Variants in TNR observed in about 807,000 individuals in gnomAD.
TNR encodes the protein tenascin-R.
Under a neutral mutation model 150.4 loss-of-function variants are expected in TNR, and 45 were observed. The ratio of observed to expected loss-of-function variants is 0.30; its 90% CI spans 0.24 to 0.38. The LOEUF is 0.38. Ranked by LOEUF, TNR falls within the 10% of genes least tolerant of loss-of-function variation. TNR has a pLI of 1.00. For missense variants in TNR, 1,544 were observed against 1,759.1 expected (o/e 0.88, Z 2.19); for synonymous variants, 687 against 678.4 (o/e 1.01, Z -0.20).
intron 1 of TNR, among the ~76,000 whole-genome samples, chr1:175,704,641 CAGA>C (rs749775316): frequency 5.3e-5 from 8 of 152,230 alleles, no homozygotes; most frequent in Admixed American, 3.3e-4. Context: ...GGAGGTGATG[CAGA>C]AGGAGAAGAA....
chr1:175,494,244 A>T (rs929506745), intron 2 of TNR, among the ~76,000 whole-genome samples: 1 of 152,178 alleles, frequency 6.6e-6, no homozygotes, highest in Non-Finnish European at 1.5e-5. Context: ...GCACTGGCAG[A>T]TGCAAGTCCT....
intron 9 of TNR, among the ~76,000 whole-genome samples, chr1:175,376,860 T>TATATATATATATATA (rs1553211469): frequency 1.0e-3 from 118 of 113,690 alleles, no homozygotes; most frequent in South Asian, 2.5e-3. Context: ...AAATGTAATA[T>TATATATATATATATA]TATATATATA....
chr1:175,375,426 C>T (rs565925300), intron 9 of TNR, among the ~76,000 whole-genome samples: 1 of 152,182 alleles, frequency 6.6e-6, no homozygotes, highest in Admixed American at 6.5e-5. Context: ...TGTTCAGAAA[C>T]AAATTCATAT....
At position 175,458,197 on chromosome 1, in the gene TNR, AT is replaced by A. The variant is rs573095686; in HGVS notation, c.-63-51421del. Among the ~76,000 whole-genome samples, 309 of 152,346 alleles carry A rather than the reference AT, an allele frequency of 2.0e-3. 3 individuals carry two copies. The highest frequency in any genetic ancestry group is 0.018 in the Admixed American group (277 of 15,302). On this transcript the variant is annotated intron_variant, in intron 2 of 22. Transcript: ENST00000367674. ...TTGTAGTAGTAGTAGCAGTAACTAA[AT>A]TCCCTCTTTCTTGCAAGTCATTAGA...
At chr1:175,555,065 A>T (rs1301572016) in intron 1 of TNR, among the ~76,000 whole-genome samples, 2 of 152,214 alleles carry the variant, frequency 1.3e-5, no homozygotes, top group African/African-American at 4.8e-5. Context: ...TCCAGTATGG[A>T]TTAAGCATAG....
intron 2 of TNR, among the ~76,000 whole-genome samples, chr1:175,507,176 C>A (rs1658989726): frequency 1.3e-5 from 2 of 152,180 alleles, no homozygotes; most frequent in South Asian, 2.1e-4. Flanking sequence ...GGTGCGTGTG[C>A]CCCGCTGGGG....
At chr1:175,610,654 A>C (rs971847288) in intron 1 of TNR, among the ~76,000 whole-genome samples, 6 of 152,170 alleles carry the variant, frequency 3.9e-5, no homozygotes, top group African/African-American at 1.4e-4. Flanking sequence ...TATAAAGGAA[A>C]GTTATTTTTG....
intron 8 of TNR, among the ~76,000 whole-genome samples, chr1:175,380,761 C>T (rs762928373): frequency 6.6e-6 from 1 of 152,192 alleles, no homozygotes; most frequent in Non-Finnish European, 1.5e-5. Flanking sequence ...ACAGCATAAA[C>T]AACTTGCAGT....
At chr1:175,648,063 C>T (rs1278803845) in intron 1 of TNR, among the ~76,000 whole-genome samples, 2 of 151,974 alleles carry the variant, frequency 1.3e-5, no homozygotes. Context: ...TCTCCCACAC[C>T]CTCCACCCAT....
At chr1:175,400,197 C>T (rs1415268923) in intron 4 of TNR, among the ~76,000 whole-genome samples, 1 of 91,564 alleles carries the variant, frequency 1.1e-5, no homozygotes, top group Non-Finnish European at 2.2e-5. Context: ...TGTGATGGAG[C>T]TCAGCTTTCA....
In TNR at chr1:175,743,461, T is replaced by A. The variant is rs1305390566; in HGVS notation, c.-400A>T. 1.3e-5 allele frequency: 2 copies of A among 151,978 alleles called. No homozygotes were observed. Among genetic ancestry groups the A allele is most frequent in the Non-Finnish European group, 2.9e-5 (2 of 68,046 alleles). The allele number at this position is 151,978 out of a possible 1,614,324, so 9.4% of individuals were successfully genotyped here. A position where few individuals can be genotyped will look rare whatever the true frequency, so the allele number is the denominator to read the frequency against. On this transcript the variant is annotated 5_prime_UTR_variant, in exon 1 of 23. Transcript: ENST00000367674. The stretch of plus-strand genomic sequence containing the variant: ...AGGCAACCAAAATAAGATCAAAAAG[T>A]CAGGTGGCTTCACTCCACTAGTGGT...
intron 2 of TNR, among the ~76,000 whole-genome samples, chr1:175,423,771 G>A (rs958239329): frequency 5.9e-5 from 9 of 152,264 alleles, no homozygotes; most frequent in African/African-American, 1.9e-4. Context: ...CGGAACTAGG[G>A]TGGATAAAGC....
At chr1:175,458,814 A>T (rs1271900793) in intron 2 of TNR, among the ~76,000 whole-genome samples, 1 of 152,160 alleles carries the variant, frequency 6.6e-6, no homozygotes, top group African/African-American at 2.4e-5. Context: ...TTTGAATGCA[A>T]AGATTATATT....
At chr1:175,556,336 C>T (rs966960997) in intron 1 of TNR, among the ~76,000 whole-genome samples, 4 of 152,232 alleles carry the variant, frequency 2.6e-5, no homozygotes, top group Non-Finnish European at 4.4e-5. Flanking sequence ...CCATGAAGGA[C>T]AAAGCATATT....
chr1:175,668,921 G>A (rs1665609883), intron 1 of TNR, among the ~76,000 whole-genome samples: 1 of 152,182 alleles, frequency 6.6e-6, no homozygotes, highest in Non-Finnish European at 1.5e-5. Flanking sequence ...GGTGTGCATA[G>A]CCCCCTGGGG....
At chr1:175,365,772 C>T (rs1651810712) in intron 11 of TNR, 103 bp downstream of exon 11, 1 of 1,494,886 alleles carries the variant, frequency 6.7e-7, no homozygotes, top group Admixed American at 2.1e-5. Flanking sequence ...TCTCTTTTCT[C>T]CAAAGGAAAT....
chr1:175,660,230 A>G (rs1017507381), intron 1 of TNR, among the ~76,000 whole-genome samples: 2 of 152,238 alleles, frequency 1.3e-5, no homozygotes, highest in African/African-American at 2.4e-5. Flanking sequence ...GTGGTAAGTC[A>G]GGGTTGGGAG....
At chr1:175,438,618 A>C (rs1368883445) in intron 2 of TNR, among the ~76,000 whole-genome samples, 1 of 152,230 alleles carries the variant, frequency 6.6e-6, no homozygotes, top group Admixed American at 6.5e-5. Flanking sequence ...ATGATTGTAT[A>C]TCTAGAAACC....
chr1:175,680,752 G>A (rs1666009924), intron 1 of TNR, among the ~76,000 whole-genome samples: 1 of 152,214 alleles, frequency 6.6e-6, no homozygotes, highest in Non-Finnish European at 1.5e-5. Context: ...GGTGCTATGA[G>A]CACGTGGGGT....
Sources: gnomAD v4.1 joint callset for allele counts (sites outside exome capture counted in the v4.1 genomes callset) on GRCh38, gnomAD v4.1.1 for gene constraint, MANE v1.5 for transcripts, NCBI Gene and HGNC (gene_info 2026-07-23, HGNC 2026-07-21) for gene names.